GNAI1: variants seen among roughly 807,000 people sequenced by gnomAD.
GNAI1 encodes G protein subunit alpha i1.
A neutral mutation model predicts 38.9 loss-of-function variants in GNAI1; 11 were observed. The observed-to-expected ratio is 0.28, with a 90% CI of 0.18 to 0.47. The LOEUF is 0.47. GNAI1 is among the 20% of genes least tolerant of loss of function. The pLI is 0.99. For synonymous variants in GNAI1, 166 were observed against 145.1 expected (o/e 1.14, Z -1.04); for missense variants, 317 against 436.9 (o/e 0.73, Z 2.45).
At chr7:80,167,222 A>C (rs1344172579) in intron 1 of GNAI1, among the ~76,000 whole-genome samples, 2 of 152,244 alleles carry the variant, frequency 1.3e-5, no homozygotes, top group Non-Finnish European at 2.9e-5. Flanking sequence ...AACACTGCAC[A>C]TGGATGCATG....
chr7:80,176,827 C>T (rs1040511922), intron 1 of GNAI1, among the ~76,000 whole-genome samples: 11 of 150,266 alleles, frequency 7.3e-5, no homozygotes, highest in Non-Finnish European at 1.6e-4. Flanking sequence ...ATCCCAGCTA[C>T]TCGGGAGGCT....
chr7:80,215,340 GTTTAA>G (rs1365926836), intron 7 of GNAI1, among the ~76,000 whole-genome samples: 14 of 152,170 alleles, frequency 9.2e-5, no homozygotes, highest in Non-Finnish European at 5.9e-5. Context: ...CTGAAGCATA[GTTTAA>G]TTTAGCAGTT....
At chr7:80,189,673 G>A (rs1788447221) in intron 3 of GNAI1, among the ~76,000 whole-genome samples, 2 of 152,272 alleles carry the variant, frequency 1.3e-5, no homozygotes, top group South Asian at 2.1e-4. Flanking sequence ...CAGTATAAAA[G>A]TTTGCTTATC....
chr7:80,176,192 T>C (rs1274692588), intron 1 of GNAI1, among the ~76,000 whole-genome samples: 1 of 152,190 alleles, frequency 6.6e-6, no homozygotes, highest in Non-Finnish European at 1.5e-5. Context: ...TTTAGTGGTC[T>C]GGATAGAAAA....
intron 1 of GNAI1, among the ~76,000 whole-genome samples, chr7:80,171,166 C>T (rs957775511): frequency 6.6e-6 from 1 of 152,118 alleles, no homozygotes; most frequent in Non-Finnish European, 1.5e-5. Context: ...TGTTTACCTA[C>T]GTACGCCTTT....
intron 5 of GNAI1, among the ~76,000 whole-genome samples, chr7:80,209,777 A>G (rs1045841901): frequency 6.6e-6 from 1 of 152,216 alleles, no homozygotes; most frequent in Non-Finnish European, 1.5e-5. Flanking sequence ...AACCCAATTT[A>G]TATCATTTTA....
Position 80,158,687 on chromosome 7 carries a change from C to T in GNAI1, c.118+23409C>T, listed in dbSNP as rs142954094. 3.3e-5 allele frequency among the ~76,000 whole-genome samples: 5 copies of T among 152,298 alleles called. No homozygotes were observed. In the East Asian group the frequency reaches 7.7e-4, roughly 23 times the overall value. ...TAAACCTCTTTCCTTTATAAGTTAC[C>T]CAGTCTCAGGTATGTCTTTAATTAA... is the stretch of plus-strand genomic sequence containing the variant. On this transcript the variant is annotated intron_variant, in intron 1 of 7. Coordinates refer to ENST00000649796, the MANE Select transcript of GNAI1 (RefSeq NM_002069.6).
At chr7:80,212,914 A>G (rs1250252891) in intron 7 of GNAI1, 45 bp downstream of exon 7, 5 of 1,289,634 alleles carry the variant, frequency 3.9e-6, no homozygotes, top group Middle Eastern at 1.8e-4. Context: ...ACATATTTCT[A>G]AGTGAAACTT....
chr7:80,199,333 G>A lies in GNAI1; in HGVS notation c.412G>A (p.Ala138Thr), dbSNP rs763521326. Residue 138 changes from alanine (A) to threonine (T), a missense_variant, in exon 4 of 8, where the codon GCC (alanine) becomes ACC (threonine). Coordinates refer to ENST00000649796, the MANE Select transcript of GNAI1 (RefSeq NM_002069.6). ...ATTGTGGAAAGATAGTGGTGTACAAGCCTGTTTCAACAGATCCCGAGAGTA... is the reference window on the plus strand; with the variant it reads ...ATTGTGGAAAGATAGTGGTGTACAAACCTGTTTCAACAGATCCCGAGAGTA... ...KRLWKDSGVQACFNRSREYQL... is the reference protein window; with the variant it reads ...KRLWKDSGVQTCFNRSREYQL... 1.2e-6 allele frequency: 2 copies of A among 1,612,610 alleles called. No homozygotes were observed. Among genetic ancestry groups the A allele is most frequent in the African/African-American group, 1.3e-5 (1 of 74,888 alleles).
chr7:80,157,805 C>G (rs1360917662), intron 1 of GNAI1, among the ~76,000 whole-genome samples: 4 of 152,136 alleles, frequency 2.6e-5, no homozygotes. Context: ...CTCCCAGATT[C>G]AAACAATTCT....
chr7:80,135,884 G>C (rs1405048174), intron 1 of GNAI1: 2 of 985,398 alleles, frequency 2.0e-6, no homozygotes, highest in Non-Finnish European at 2.4e-6. Flanking sequence ...AAAAGGCTGC[G>C]CTGGATGCTT....
rs1789150504 is a variant in GNAI1, at chr7:80,225,904, T to C, written c.*8411T>C. The stretch of plus-strand genomic sequence containing the variant: ...GTGTATGCACACACACACACATCTG[T>C]GAGAATGATTATTTTCTACTTGATA... On this transcript the variant is annotated 3_prime_UTR_variant, in exon 8 of 8. Transcript: ENST00000649796. Among the ~76,000 whole-genome samples the C allele has an allele frequency of 6.6e-6, 1 of 152,150 alleles. No individual in the cohort carries two copies. The highest frequency in any genetic ancestry group is 1.5e-5 in the Non-Finnish European group (1 of 68,022).
chr7:80,217,246 T>TATGTCTGAAACTGAA, intron 7 of GNAI1, 57 bp from the exon 8 acceptor site: 2 of 1,152,026 alleles, frequency 1.7e-6, no homozygotes, highest in Non-Finnish European at 2.5e-6. Context: ...GAATTCAGTA[T>TATGTCTGAAACTGAA]TTTAAGCAGT....
At chr7:80,195,996 C>A (rs1371355990) in intron 3 of GNAI1, among the ~76,000 whole-genome samples, 1 of 151,916 alleles carries the variant, frequency 6.6e-6, no homozygotes, top group African/African-American at 2.4e-5. Context: ...AAGTCTTCTC[C>A]TCCCATCCTA....
intron 1 of GNAI1, among the ~76,000 whole-genome samples, chr7:80,161,624 A>C (rs1393611315): frequency 2.0e-5 from 3 of 152,158 alleles, no homozygotes; most frequent in Non-Finnish European, 4.4e-5. Context: ...TGCAATATAA[A>C]CTCTCTTAGT....
Position 80,220,419 on chromosome 7 carries a change from A to C in GNAI1, c.*2926A>C, listed in dbSNP as rs1789051765. 6.6e-6 allele frequency among the ~76,000 whole-genome samples: 1 copy of C among 152,178 alleles called. No individual in the cohort carries two copies. On this transcript the variant is annotated 3_prime_UTR_variant, in exon 8 of 8. Coordinates refer to ENST00000649796, the MANE Select transcript of GNAI1 (RefSeq NM_002069.6). ...TAGACTCCTCTGGCATCTGTTCTTC[A>C]GGGTGCCCTTCTGGGAACTACATGA... is the stretch of plus-strand genomic sequence containing the variant.
chr7:80,165,985 A>G (rs1257399242), intron 1 of GNAI1, among the ~76,000 whole-genome samples: 5 of 152,046 alleles, frequency 3.3e-5, no homozygotes, highest in Admixed American at 3.3e-4. Context: ...ACAAATAGGG[A>G]TTTTGGGCAA....
chr7:80,205,245 G>C (rs552401342), intron 5 of GNAI1, among the ~76,000 whole-genome samples: 1 of 152,088 alleles, frequency 6.6e-6, no homozygotes, highest in African/African-American at 2.4e-5. Flanking sequence ...TAATAAAAAT[G>C]CTAGAATTAA....
At position 80,222,722 on chromosome 7, in the gene GNAI1, G is replaced by A. The variant is rs908398541; in HGVS notation, c.*5229G>A. Among the ~76,000 whole-genome samples, 2 of 152,112 alleles carry A rather than the reference G, an allele frequency of 1.3e-5. No individual in the cohort carries two copies. Among genetic ancestry groups the A allele is most frequent in the Non-Finnish European group, 2.9e-5 (2 of 68,022 alleles). On this transcript the variant is annotated 3_prime_UTR_variant, in exon 8 of 8. Transcript: ENST00000649796. ...TAATTGATTAAAAATGAGATAATTT[G>A]AGGAAACATGCATAGAATACTAGAC...
Sources: allele counts gnomAD v4.1 joint callset (sites outside exome capture counted in the v4.1 genomes callset), GRCh38; gene constraint gnomAD v4.1.1; transcripts MANE v1.5; gene names NCBI Gene and HGNC (gene_info 2026-07-23, HGNC 2026-07-21).